TRMT10C: variants seen among roughly 807,000 people sequenced by gnomAD.
TRMT10C encodes tRNA methyltransferase 10 homolog C.
In TRMT10C, 14 loss-of-function variants were observed where a neutral mutation model predicts 27.4. The ratio of observed to expected loss-of-function variants is 0.51; its 90% CI spans 0.34 to 0.80. The LOEUF (loss-of-function observed/expected upper bound fraction) is 0.80, where lower values mean the gene tolerates loss of function less well. Among genes scored for constraint, TRMT10C ranks in the 30% least tolerant of loss-of-function variants. TRMT10C has a pLI of 0.02. For synonymous variants in TRMT10C, 143 were observed against 155.9 expected (o/e 0.92, Z 0.62); for missense variants, 438 against 464.8 (o/e 0.94, Z 0.53).
rs1934420508 is a variant in TRMT10C at position 101,561,906 on chromosome 3, C to T, written c.-110C>T. 1 of 152,866 alleles carries T rather than the reference C, an allele frequency of 6.5e-6. No homozygotes were observed. Among genetic ancestry groups the T allele is most frequent in the Non-Finnish European group, 1.5e-5 (1 of 68,372 alleles). The allele number at this position is 152,866 out of a possible 1,614,324, so 9.5% of individuals were successfully genotyped here. On this transcript the variant is annotated 5_prime_UTR_variant, in exon 1 of 2. Coordinates refer to ENST00000309922, the MANE Select transcript of TRMT10C (RefSeq NM_017819.4). ...GACTGTTGGGTAGGCTGCGTGCTAG[C>T]TTCGGCGCGGATCCCTGGGCGTCCG...
rs1934481109 is a variant in TRMT10C at position 101,564,788 on chromosome 3, G to A, written c.7G>A (p.Ala3Thr). Residue 3 changes from alanine (A) to threonine (T), a missense_variant, in exon 2 of 2, where the codon GCT (alanine) becomes ACT (threonine). Around this residue, in one of 3 missense-constraint regions of TRMT10C, gnomAD observed 350 missense variants for 370.5 expected, o/e 0.94. Coordinates refer to ENST00000309922, the MANE Select transcript of TRMT10C (RefSeq NM_017819.4). ...TTTACAGGGGTTTTGTTACATGGCT[G>A]CTTTCCTCAAAATGAGTGTTAGTGT... MAAFLKMSVSVNF... is the reference protein window; with the variant it reads MATFLKMSVSVNF... The A allele has an allele frequency of 2.6e-6, 4 of 1,547,330 alleles. No individual in the cohort carries two copies. The South Asian group carries it at 4.9e-5, about 19-fold the overall frequency.
chr3:101,565,004 C>T lies in TRMT10C; in HGVS notation c.223C>T (p.Gln75Ter), dbSNP rs765602941. Residue 75 changes from glutamine to a stop codon, truncating the protein, a stop_gained, in exon 2 of 2, where the codon CAA (glutamine) becomes TAA (stop). Transcript: ENST00000309922. LOFTEE classifies it high-confidence loss of function. ...KWKTTMKSSV[Q>*]EECVSTISSS... Reference sequence around the variant, plus strand: ...GAAAACTACCATGAAATCTAGTGTGCAAGAAGAATGTGTTTCAACAATCTC... The same window carrying T: ...GAAAACTACCATGAAATCTAGTGTGTAAGAAGAATGTGTTTCAACAATCTC... 70 of 1,613,664 alleles carry T rather than the reference C, an allele frequency of 4.3e-5. No individual in the cohort carries two copies. The highest frequency in any genetic ancestry group is 5.7e-5 in the Non-Finnish European group (67 of 1,179,980).
Position 101,565,118 on chromosome 3 carries a change from A to T in TRMT10C, c.337A>T (p.Thr113Ser). 6.2e-7 allele frequency: 1 copy of T among 1,613,836 alleles called. No individual in the cohort carries two copies. Reference sequence around the variant, plus strand: ...TGGCAGAGAAGTACCAGAACACATCACTGAAGAAGAGCTCAAAACCCTTAT... The same window carrying T: ...TGGCAGAGAAGTACCAGAACACATCTCTGAAGAAGAGCTCAAAACCCTTAT... The part of the protein sequence containing the change: ...LLGREVPEHI[T>S]EEELKTLMEC... The change falls in exon 2 of 2, where the codon ACT (threonine) becomes TCT (serine). Residue 113 changes from threonine (T) to serine (S), a missense_variant. Physicochemically the swap from Thr to Ser is moderately conservative, Grantham distance 58. Transcript: ENST00000309922.
At chr3:101,564,704 C>T (rs545597719) in intron 1 of TRMT10C, 66 bp from the exon 2 acceptor site, 2 of 1,370,616 alleles carry the variant, frequency 1.5e-6, no homozygotes, top group Middle Eastern at 2.6e-4. Flanking sequence ...TTTATACTTG[C>T]ACAATTAGTT....
intron 1 of TRMT10C, among the ~76,000 whole-genome samples, chr3:101,563,732 C>T (rs983838839): frequency 1.3e-5 from 2 of 152,088 alleles, no homozygotes; most frequent in African/African-American, 4.8e-5. Context: ...TATTTCTTTT[C>T]CTTCAAATTT....
chr3:101,565,906 C>T lies in TRMT10C; in HGVS notation c.1125C>T (p.Phe375=), dbSNP rs201166519. ...GTAATTGGCAAGAGGCTCTGCAATTCGTTCCCAAGAGAAAACATACTGGTT... is the reference window on the plus strand; with the variant it reads ...GTAATTGGCAAGAGGCTCTGCAATTTGTTCCCAAGAGAAAACATACTGGTT... The part of the protein sequence containing the change: ...NNGNWQEALQ[F]VPKRKHTGFL... Residue 375 remains phenylalanine, a synonymous_variant, in exon 2 of 2, where the codon TTC becomes TTT. Coordinates refer to ENST00000309922, the MANE Select transcript of TRMT10C (RefSeq NM_017819.4). 2.2e-4 allele frequency: 350 copies of T among 1,614,072 alleles called. 3 individuals carry two copies. Among genetic ancestry groups the T allele is most frequent in the Middle Eastern group, 1.8e-3 (11 of 6,062 alleles).
intron 1 of TRMT10C, among the ~76,000 whole-genome samples, chr3:101,562,424 T>C (rs1934431965): frequency 1.3e-5 from 2 of 151,870 alleles, no homozygotes; most frequent in Admixed American, 6.6e-5. Context: ...GAGGCCGAGG[T>C]GGGCGGATCA....
intron 1 of TRMT10C, among the ~76,000 whole-genome samples, chr3:101,562,573 C>T (rs79409156): frequency 0.15 from 22,748 of 152,114 alleles, 1,719 homozygotes; most frequent in South Asian, 0.2. Flanking sequence ...ATGGCGTGAA[C>T]CCTGGGAGGC....
chr3:101,564,732 T>G (rs748696946), intron 1 of TRMT10C, 38 bp from the exon 2 acceptor site: 9 of 1,477,924 alleles, frequency 6.1e-6, no homozygotes, highest in Non-Finnish European at 8.1e-6. Flanking sequence ...TATAAAAATC[T>G]TTGTCTAATT....
At position 101,561,871 on chromosome 3, in the gene TRMT10C, C is replaced by G. The variant is rs531086716; in HGVS notation, c.-145C>G. On this transcript the variant is annotated 5_prime_UTR_variant, in exon 1 of 2. Coordinates refer to ENST00000309922, the MANE Select transcript of TRMT10C (RefSeq NM_017819.4). Reference sequence around the variant, plus strand: ...GCTGAGCCCCAGCGACCGCTCTGGTCGGCTGTGTAGACTGTTGGGTAGGCT... The same window carrying G: ...GCTGAGCCCCAGCGACCGCTCTGGTGGGCTGTGTAGACTGTTGGGTAGGCT... The G allele has an allele frequency of 7.0e-4, 107 of 152,666 alleles. No homozygotes were observed. Among genetic ancestry groups the G allele is most frequent in the African/African-American group, 2.5e-3 (102 of 41,582 alleles). 9.5% of individuals were successfully genotyped at this position (152,666 alleles called of 1,614,324 possible). A position where few individuals can be genotyped will look rare whatever the true frequency, so the allele number is the denominator to read the frequency against.
Position 101,566,003 on chromosome 3 carries a change from A to G in TRMT10C, c.*10A>G, listed in dbSNP as rs1487584326. On this transcript the variant is annotated 3_prime_UTR_variant, in exon 2 of 2. Coordinates refer to ENST00000309922, the MANE Select transcript of TRMT10C (RefSeq NM_017819.4). ...GAAGGCAAAGACTTAATTCATTTTC[A>G]AAAGGTTCTCTGAATGTGCACAGAA... The G allele has an allele frequency of 6.3e-7, 1 of 1,578,324 alleles. No homozygotes were observed. Among genetic ancestry groups the G allele is most frequent in the Non-Finnish European group, 8.6e-7 (1 of 1,164,044 alleles).
In TRMT10C at chr3:101,565,546, C is replaced by G. The variant is rs1559949647; in HGVS notation, c.765C>G (p.His255Gln). 6.2e-7 allele frequency: 1 copy of G among 1,614,006 alleles called. No homozygotes were observed. The highest frequency in any genetic ancestry group is 1.7e-5 in the Admixed American group (1 of 59,990). ...ATCTAAAAATAGATGGTGCTTTGCA[C>G]AGAGAGTTAGTTAAACGGTATCAAG... ...FCNLKIDGAL[H>Q]RELVKRYQEK... The change falls in exon 2 of 2, where the codon CAC (histidine) becomes CAG (glutamine). Residue 255 changes from histidine to glutamine, a missense_variant. His to Gln is a conservative substitution (Grantham distance 24). Coordinates refer to ENST00000309922, the MANE Select transcript of TRMT10C (RefSeq NM_017819.4).
rs1934509977 is a variant in TRMT10C, at chr3:101,566,086, G to A, written c.*93G>A. The A allele has an allele frequency of 1.5e-6, 2 of 1,319,254 alleles. No homozygotes were observed. The highest frequency in any genetic ancestry group is 2.7e-5 in the Admixed American group (1 of 36,572). The allele number at this position is 1,319,254 out of a possible 1,614,324, so 81.7% of individuals were successfully genotyped here. ...AAAAAGTAAATGCGTTAGAAATACA[G>A]TTCTGTTAATGTATTTCTTCCCAAA... is the stretch of plus-strand genomic sequence containing the variant. On this transcript the variant is annotated 3_prime_UTR_variant, in exon 2 of 2. Coordinates refer to ENST00000309922, the MANE Select transcript of TRMT10C (RefSeq NM_017819.4).
chr3:101,565,107 CA>C lies in TRMT10C; in HGVS notation c.327del (p.Glu110AsnfsTer24). On this transcript the variant is annotated frameshift_variant, in exon 2 of 2. Coordinates refer to ENST00000309922, the MANE Select transcript of TRMT10C (RefSeq NM_017819.4). LOFTEE classifies it high-confidence loss of function. ...TGGAGATTGCTTGGCAGAGAAGTAC[CA>C]GAACACATCACTGAAGAAGAGCTCA... ...EMWRLLGREV[P>X]EHITEEELKT... 2 of 1,613,438 alleles carry C rather than the reference CA, an allele frequency of 1.2e-6. No individual in the cohort carries two copies. Among genetic ancestry groups the C allele is most frequent in the Non-Finnish European group, 1.7e-6 (2 of 1,179,918 alleles).
chr3:101,565,373 G>A lies in TRMT10C; in HGVS notation c.592G>A (p.Ala198Thr). ...AGCAATGGGCTGGAAGGGTGCCCAG[G>A]CCATGCAGTTTGGACAACCTTTGGT... ...DIAMGWKGAQ[A>T]MQFGQPLVFD... Residue 198 changes from alanine to threonine, a missense_variant, in exon 2 of 2, where the codon GCC becomes ACC. Ala to Thr is a moderately conservative substitution (Grantham distance 58, BLOSUM62 0). Transcript: ENST00000309922. 6.2e-7 allele frequency: 1 copy of A among 1,614,178 alleles called. No homozygotes were observed. Among genetic ancestry groups the A allele is most frequent in the Non-Finnish European group, 8.5e-7 (1 of 1,180,034 alleles).
chr3:101,564,751 C>A lies in TRMT10C; in HGVS notation c.-12-19C>A. The A allele has an allele frequency of 1.3e-6, 2 of 1,484,180 alleles. No homozygotes were observed. Among genetic ancestry groups the A allele is most frequent in the Non-Finnish European group, 1.8e-6 (2 of 1,113,368 alleles). 91.9% of individuals were successfully genotyped at this position (1,484,180 alleles called of 1,614,324 possible). On this transcript the variant is annotated intron_variant, in intron 1 of 1. Coordinates refer to ENST00000309922, the MANE Select transcript of TRMT10C (RefSeq NM_017819.4). ...AAAATCTTTGTCTAATTTTTAATTGCATTTTTCTTCTTTTACAGGGGTTTT... is the reference window on the plus strand; with the variant it reads ...AAAATCTTTGTCTAATTTTTAATTGAATTTTTCTTCTTTTACAGGGGTTTT...
chr3:101,563,816 C>G (rs1576593886), intron 1 of TRMT10C, among the ~76,000 whole-genome samples: 1 of 152,144 alleles, frequency 6.6e-6, no homozygotes, highest in South Asian at 2.1e-4. Context: ...AACTGTGGAG[C>G]TTTATATACA....
chr3:101,564,723 AT>A, intron 1 of TRMT10C, 46 bp from the exon 2 acceptor site: 1 of 1,446,642 alleles, frequency 6.9e-7, no homozygotes, highest in East Asian at 2.3e-5. Context: ...TTGAGAAGTT[AT>A]AAAAATCTTT....
intron 1 of TRMT10C, among the ~76,000 whole-genome samples, chr3:101,564,473 T>TA (rs753003297): frequency 9.2e-5 from 14 of 152,060 alleles, no homozygotes; most frequent in Admixed American, 2.0e-4. Flanking sequence ...TTGGCCAGGC[T>TA]AGTCTTGAAC....
Sources: allele counts gnomAD v4.1 joint callset (sites outside exome capture counted in the v4.1 genomes callset), GRCh38; gene constraint gnomAD v4.1.1; regional missense constraint gnomAD v4.1.1; transcripts MANE v1.5; gene names NCBI Gene and HGNC (gene_info 2026-07-23, HGNC 2026-07-21).